Variants in PHLDB2 observed in about 807,000 individuals in gnomAD.
PHLDB2 encodes pleckstrin homology-like domain family B member 2.
Under a neutral mutation model 123.6 loss-of-function variants are expected in PHLDB2, and 71 were observed. The ratio of observed to expected loss-of-function variants is 0.57; its 90% confidence interval spans 0.47 to 0.70. PHLDB2 has a LOEUF of 0.70. PHLDB2 is among the 30% of genes least tolerant of loss of function. The pLI, the probability that PHLDB2 is intolerant of heterozygous loss-of-function variation, is 0.00. For missense variants in PHLDB2, 1,446 were observed against 1,519.5 expected (o/e 0.95, Z 0.80); for synonymous variants, 547 against 541.6 (o/e 1.01, Z -0.14).
intron 1 of PHLDB2, among the ~76,000 whole-genome samples, chr3:111,834,430 T>C (rs942060411): frequency 8.7e-5 from 13 of 149,078 alleles, no homozygotes; most frequent in African/African-American, 3.2e-4. Flanking sequence ...TACAACTTGC[T>C]CTTTTCACTT....
chr3:111,873,679 G>A (rs1250327937), intron 1 of PHLDB2, among the ~76,000 whole-genome samples: 1 of 152,096 alleles, frequency 6.6e-6, no homozygotes, highest in Non-Finnish European at 1.5e-5. Flanking sequence ...TGCATATTAT[G>A]GGAATACCCT....
At position 111,778,021 on chromosome 3, in the gene PHLDB2, G is replaced by A. The variant is rs964319734; in HGVS notation, c.-49+45318G>A. On this transcript the variant is annotated intron_variant, in intron 1 of 17. Coordinates refer to the PHLDB2 transcript ENST00000393923. Reference sequence around the variant, plus strand: ...AGCTGACTATATTGTGGAGAGCTCCGGATTTACATTTCATCGCACAATCAA... The same window carrying A: ...AGCTGACTATATTGTGGAGAGCTCCAGATTTACATTTCATCGCACAATCAA... Among the ~76,000 whole-genome samples the A allele has an allele frequency of 7.9e-5, 12 of 151,854 alleles. 1 individual carries two copies. Among genetic ancestry groups the A allele is most frequent in the Admixed American group, 2.0e-4 (3 of 15,222 alleles).
At chr3:111,854,574 C>G (rs1029208178), upstream of PHLDB2, among the ~76,000 whole-genome samples, 4 of 152,152 alleles carry the variant, frequency 2.6e-5, no homozygotes. Context: ...TATACAGATT[C>G]AGGACATAAA....
At chr3:111,907,676 A>C (rs1199220595) in intron 2 of PHLDB2, among the ~76,000 whole-genome samples, 1 of 151,978 alleles carries the variant, frequency 6.6e-6, no homozygotes, top group Non-Finnish European at 1.5e-5. Flanking sequence ...TTGTATTTTT[A>C]GTAGATACAG....
Position 111,949,030 on chromosome 3 carries a change from TGAGCCTGCCACAGCTGTGCTGGC to T in PHLDB2, c.2592_2614del (p.Ala867GlufsTer2), listed in dbSNP as rs1251256174. On this transcript the variant is annotated frameshift_variant, in exon 10 of 18. Coordinates refer to ENST00000431670, the MANE Select transcript of PHLDB2 (RefSeq NM_001134438.2). LOFTEE classifies it high-confidence loss of function. ...CTGCTGATGCTGATGCTGTTGCCAC[TGAGCCTGCCACAGCTGTGCTGGC>T]GAGCCAGCCACAGAGTAAAGAGGTG... is the stretch of plus-strand genomic sequence containing the variant. The T allele has an allele frequency of 1.2e-6, 2 of 1,613,784 alleles. No individual in the cohort carries two copies. Among genetic ancestry groups the T allele is most frequent in the African/African-American group, 1.3e-5 (1 of 75,054 alleles).
chr3:111,928,717 G>A (rs141848220), intron 5 of PHLDB2, among the ~76,000 whole-genome samples: 2 of 152,108 alleles, frequency 1.3e-5, no homozygotes, highest in East Asian at 3.9e-4. Flanking sequence ...ATATATGAAT[G>A]TGGAACTCTA....
At chr3:111,840,524 A>G (rs971474479) in intron 1 of PHLDB2, among the ~76,000 whole-genome samples, 1 of 152,188 alleles carries the variant, frequency 6.6e-6, no homozygotes, top group Non-Finnish European at 1.5e-5. Flanking sequence ...TTTACACATT[A>G]GAGTCATTTT....
At chr3:111,859,769 C>G in intron 1 of PHLDB2, 193 bp downstream of exon 1, 1 of 985,200 alleles carries the variant, frequency 1.0e-6, no homozygotes, top group South Asian at 4.7e-5. Context: ...CACCGCGAGT[C>G]AGGAGGGGCC....
intron 8 of PHLDB2, among the ~76,000 whole-genome samples, chr3:111,941,172 C>A (rs915153805): frequency 2.0e-5 from 3 of 152,180 alleles, no homozygotes; most frequent in Admixed American, 1.3e-4. Flanking sequence ...ATCATCCTCA[C>A]CAAAGAGACT....
chr3:111,971,634 C>T (rs1202023236), intron 16 of PHLDB2, among the ~76,000 whole-genome samples: 1 of 152,160 alleles, frequency 6.6e-6, no homozygotes, highest in African/African-American at 2.4e-5. Context: ...TTTGTCCACT[C>T]CTACCCCCAC....
chr3:111,852,510 TGATGAAAGTCA>T (rs1398649695), intron 2 of PHLDB2, among the ~76,000 whole-genome samples: 5 of 151,708 alleles, frequency 3.3e-5, no homozygotes, highest in Admixed American at 3.3e-4. Context: ...ACTGGAGGGA[TGATGAAAGTCA>T]GATGAAAGGA....
chr3:111,806,470 C>CT (rs1010733462), intron 1 of PHLDB2, among the ~76,000 whole-genome samples: 157 of 150,692 alleles, frequency 1.0e-3, no homozygotes, highest in African/African-American at 3.4e-3. Context: ...TGAATCTTTT[C>CT]TTTTTTTTTC....
chr3:111,818,624 C>A (rs1225038746), intron 1 of PHLDB2, among the ~76,000 whole-genome samples: 1 of 152,150 alleles, frequency 6.6e-6, no homozygotes. Context: ...ATTCTAAAAG[C>A]TCTTTGCAGT....
At chr3:111,751,226 C>A (rs2059769009) in intron 1 of PHLDB2, among the ~76,000 whole-genome samples, 1 of 150,442 alleles carries the variant, frequency 6.6e-6, no homozygotes, top group South Asian at 2.1e-4. Flanking sequence ...TAGTAACCAC[C>A]AGGGAGTCCA....
At chr3:111,907,959 G>C (rs1219039162) in intron 2 of PHLDB2, among the ~76,000 whole-genome samples, 1 of 152,104 alleles carries the variant, frequency 6.6e-6, no homozygotes, top group Non-Finnish European at 1.5e-5. Context: ...ACCACGCCCA[G>C]GTAATTTTTG....
Position 111,969,905 on chromosome 3 carries a change from TGCAG to T in PHLDB2, c.3533_3535+1del. ...GGAACAAGCGAACATTCTCTTATTA[TGCAG>T]GTGGGTGATAAAAACAATTTAAGCC... On this transcript the variant is annotated frameshift_variant and splice_region_variant, in exon 16 of 18. Coordinates refer to ENST00000431670, the MANE Select transcript of PHLDB2 (RefSeq NM_001134438.2). LOFTEE classifies it high-confidence loss of function. The T allele has an allele frequency of 6.2e-7, 1 of 1,613,650 alleles. No individual in the cohort carries two copies. The highest frequency in any genetic ancestry group is 8.5e-7 in the Non-Finnish European group (1 of 1,179,626).
At chr3:111,773,002 C>G (rs1490996132) in intron 1 of PHLDB2, among the ~76,000 whole-genome samples, 1 of 152,180 alleles carries the variant, frequency 6.6e-6, no homozygotes, top group East Asian at 1.9e-4. Context: ...ATTTCTGATT[C>G]TCAGCACTCC....
chr3:111,859,831 G>C (rs947436782), intron 1 of PHLDB2: 60 of 985,822 alleles, frequency 6.1e-5, no homozygotes, highest in Non-Finnish European at 6.6e-5. Flanking sequence ...CTAGGCGCTA[G>C]GGCGGCGGCG....
intron 1 of PHLDB2, among the ~76,000 whole-genome samples, chr3:111,780,765 C>G (rs933971502): frequency 4.8e-4 from 73 of 151,936 alleles, no homozygotes; most frequent in Non-Finnish European, 5.9e-5. Flanking sequence ...TTGATGTCCC[C>G]GTGGATAGAC....
Sources: allele counts gnomAD v4.1 joint callset (sites outside exome capture counted in the v4.1 genomes callset), GRCh38; gene constraint gnomAD v4.1.1; transcripts MANE v1.5; gene names NCBI Gene and HGNC (gene_info 2026-07-23, HGNC 2026-07-21).